Variants in TMPRSS5 observed in about 807,000 individuals in gnomAD.
TMPRSS5 encodes transmembrane protease serine 5.
A neutral mutation model predicts 59.7 loss-of-function variants in TMPRSS5; 45 were observed. The ratio of observed to expected loss-of-function variants is 0.75; its 90% CI spans 0.59 to 0.97. The LOEUF (loss-of-function observed/expected upper bound fraction) is 0.97. Ranked by LOEUF, TMPRSS5 falls within the 50% of genes least tolerant of loss-of-function variation. TMPRSS5 has a pLI of 0.00. For synonymous variants in TMPRSS5, 225 were observed against 232.0 expected (o/e 0.97, Z 0.27); for missense variants, 585 against 596.7 (o/e 0.98, Z 0.20).
chr11:113,690,180 T>TC, intron 11 of TMPRSS5, 51 bp downstream of exon 11: 1 of 187,978 alleles, frequency 5.3e-6, no homozygotes, highest in Non-Finnish European at 8.9e-6. Flanking sequence ...CCCCCTGCCC[T>TC]CCCACCCCCA....
In TMPRSS5 at chr11:113,690,370, T is replaced by C; in HGVS notation, c.1067A>G (p.Tyr356Cys). The change falls in exon 11 of 13, where the codon TAC becomes TGC. Residue 356 changes from tyrosine (Y) to cysteine (C), a missense_variant. Tyr to Cys is a radical substitution (Grantham distance 194). Coordinates refer to ENST00000299882, the MANE Select transcript of TMPRSS5 (RefSeq NM_030770.4). ...GWGHTHPSHT[Y>C]SSDMLQDTVV... ...CGTGTCCTGGAGCATATCCGAGCTG[T>C]AAGCTATGAGAGACACCGAGAAAAA... The C allele has an allele frequency of 6.2e-7, 1 of 1,603,896 alleles. No individual in the cohort carries two copies.
chr11:113,703,463 T>C (rs1953197999), intron 1 of TMPRSS5, among the ~76,000 whole-genome samples: 1 of 152,204 alleles, frequency 6.6e-6, no homozygotes, highest in Non-Finnish European at 1.5e-5. Context: ...GACTTTGGAC[T>C]TGGACTTTTG....
At position 113,689,809 on chromosome 11, in the gene TMPRSS5, C is replaced by T. The variant is rs377155390; in HGVS notation, c.1315G>A (p.Ala439Thr). The change falls in exon 12 of 13, where the codon GCC becomes ACC. Residue 439 changes from alanine to threonine, a missense_variant. Ala to Thr is a moderately conservative substitution (Grantham distance 58). Transcript: ENST00000299882. The stretch of plus-strand genomic sequence containing the variant: ...CAGTCCAGAAACTCAGCTACCTTGG[C>T]GTAGACACCTGGGTGATTGGGCTCT... ...CAEPNHPGVYAKVAEFLDWIH... is the reference protein window; with the variant it reads ...CAEPNHPGVYTKVAEFLDWIH... 9 of 1,607,444 alleles carry T rather than the reference C, an allele frequency of 5.6e-6. No individual in the cohort carries two copies. The highest frequency in any genetic ancestry group is 5.3e-5 in the African/African-American group (4 of 74,778).
chr11:113,698,745 T>C, intron 4 of TMPRSS5, 160 bp downstream of exon 4: 1 of 811,210 alleles, frequency 1.2e-6, no homozygotes, highest in East Asian at 2.7e-5. Flanking sequence ...AAATCAGAGA[T>C]CACTGCAAGG....
In TMPRSS5 at chr11:113,699,910, G is replaced by A. The variant is rs187815396; in HGVS notation, c.106+156C>T. On this transcript the variant is annotated intron_variant, in intron 2 of 12. Transcript: ENST00000299882. ...AAATCCCACTCAATCCCTAAAGTGG[G>A]AAATGGGGAGCAGAAGCAGGTCTGG... 2.1e-4 allele frequency: 312 copies of A among 1,512,674 alleles called. No individual in the cohort carries two copies. The African/African-American group carries it at 4.0e-3, about 19-fold the overall frequency. 93.7% of individuals were successfully genotyped at this position (1,512,674 alleles called of 1,614,324 possible).
rs528227924 is a variant in TMPRSS5, at chr11:113,690,262, C to G, written c.1175G>C (p.Gly392Ala). 1 of 1,554,904 alleles carries G rather than the reference C, an allele frequency of 6.4e-7. No homozygotes were observed. The highest frequency in any genetic ancestry group is 1.2e-5 in the South Asian group (1 of 84,142). ...TGCATCAGCCCTTCCGTCCAGGTAG[C>G]CAGCGCAAAGCATGCGGGGGGTGAG... The part of the protein sequence containing the change: ...GALTPRMLCA[G>A]YLDGRADACQ... Residue 392 changes from glycine (G) to alanine (A), a missense_variant, in exon 11 of 13, where the codon GGC becomes GCC. Physicochemically the swap from Gly to Ala is moderately conservative, Grantham distance 60 (BLOSUM62 0). Coordinates refer to ENST00000299882, the MANE Select transcript of TMPRSS5 (RefSeq NM_030770.4).
intron 1 of TMPRSS5, among the ~76,000 whole-genome samples, chr11:113,701,865 C>T (rs1383760006): frequency 2.0e-4 from 31 of 151,864 alleles, no homozygotes; most frequent in Admixed American, 6.6e-5. Flanking sequence ...ATACATGTGC[C>T]GTGGTGGTTT....
Position 113,698,996 on chromosome 11 carries a change from G to A in TMPRSS5, c.237C>T (p.Pro79=), listed in dbSNP as rs1381017662. The change falls in exon 4 of 13, where the codon CCC becomes CCT. Residue 79 remains proline (P), a synonymous_variant. Coordinates refer to ENST00000299882, the MANE Select transcript of TMPRSS5 (RefSeq NM_030770.4). The part of the protein sequence containing the change: ...VLYLCPAASQ[P]ISGTLQDEEI... The stretch of plus-strand genomic sequence containing the variant: ...CCTCATCCTGCAAGGTCCCGGAAAT[G>A]GGCTGAGAGGCAGCAGGACACAGAT... 1.2e-6 allele frequency: 2 copies of A among 1,610,918 alleles called. No homozygotes were observed. The highest frequency in any genetic ancestry group is 1.7e-6 in the Non-Finnish European group (2 of 1,178,688).
intron 8 of TMPRSS5, chr11:113,693,669 G>A (rs553398104): frequency 1.7e-4 from 27 of 160,402 alleles, no homozygotes; most frequent in Non-Finnish European, 3.1e-4. Context: ...TACACTCTCT[G>A]CCCTGTCCGG....
chr11:113,694,737 G>A, intron 7 of TMPRSS5, 97 bp from the exon 8 acceptor site: 6 of 1,235,616 alleles, frequency 4.9e-6, no homozygotes, highest in Non-Finnish European at 6.6e-6. Context: ...AAGCCCCAGA[G>A]AGCCAGTGTG....
rs1277724671 is a variant in TMPRSS5, at chr11:113,690,618, G to C, written c.1063+223C>G. Among the ~76,000 whole-genome samples the C allele has an allele frequency of 2.6e-5, 4 of 152,168 alleles. No individual in the cohort carries two copies. The South Asian group carries it at 8.3e-4, about 32-fold the overall frequency. ...CCATGGCGCTCCTGGGACAAGGGGA[G>C]GGGGAGTAAAAGGGTCTGGGTTTAG... On this transcript the variant is annotated intron_variant, in intron 10 of 12. Transcript: ENST00000299882.
At chr11:113,689,204 A>C (rs1373526001) in intron 12 of TMPRSS5, among the ~76,000 whole-genome samples, 1 of 151,888 alleles carries the variant, frequency 6.6e-6, no homozygotes, top group Non-Finnish European at 1.5e-5. Flanking sequence ...TAAATACAAA[A>C]AATTAGCCAG....
Position 113,690,739 on chromosome 11 carries a change from G to C in TMPRSS5, c.1063+102C>G, listed in dbSNP as rs1952752734. 6.1e-5 allele frequency: 68 copies of C among 1,106,810 alleles called. 1 individual carries two copies. In the South Asian group the frequency reaches 9.3e-4, roughly 15 times the overall value. 68.6% of individuals were successfully genotyped at this position (1,106,810 alleles called of 1,614,324 possible). A position where few individuals can be genotyped will look rare whatever the true frequency, so the allele number is the denominator to read the frequency against. Reference sequence around the variant, plus strand: ...AAGGGTGATGCCAGGGAAAAACAGGGCTGGCACTGTCATGTGGCCAGGGGA... The same window carrying C: ...AAGGGTGATGCCAGGGAAAAACAGGCCTGGCACTGTCATGTGGCCAGGGGA... On this transcript the variant is annotated intron_variant, in intron 10 of 12. Coordinates refer to ENST00000299882, the MANE Select transcript of TMPRSS5 (RefSeq NM_030770.4).
chr11:113,692,853 G>T (rs560118608), intron 9 of TMPRSS5, among the ~76,000 whole-genome samples: 37 of 152,248 alleles, frequency 2.4e-4, no homozygotes, highest in Admixed American at 2.2e-3. Context: ...GCCATGAAAT[G>T]GGTCTGAACC....
In TMPRSS5 at chr11:113,705,010, C is replaced by T. The variant is rs528259299; in HGVS notation, c.3+1212G>A. Among the ~76,000 whole-genome samples the T allele has an allele frequency of 5.3e-5, 8 of 152,208 alleles. No individual in the cohort carries two copies. In the South Asian group the frequency reaches 1.7e-3, roughly 32 times the overall value. ...TAAGAACTACACCTAAGCTGTGGAT[C>T]CTTCCCCCCAAAATTTATAATCCAG... On this transcript the variant is annotated intron_variant, in intron 1 of 12. Transcript: ENST00000299882.
intron 12 of TMPRSS5, 74 bp from the exon 13 acceptor site, chr11:113,688,348 C>A (rs1057459142): frequency 1.4e-5 from 15 of 1,049,068 alleles, no homozygotes; most frequent in Admixed American, 4.1e-5. Flanking sequence ...TTTAGTAAAT[C>A]ACTTAACCAT....
intron 3 of TMPRSS5, among the ~76,000 whole-genome samples, chr11:113,699,262 T>TCTCTCTCCCC: frequency 1.1e-5 from 1 of 93,258 alleles, no homozygotes; most frequent in South Asian, 3.6e-4. Flanking sequence ...TCTCTCTCTC[T>TCTCTCTCCCC]CTCTCTCTCC....
chr11:113,690,855 G>T lies in TMPRSS5; in HGVS notation c.1049C>A (p.Thr350Asn). ...AGCTGACTCACTATGGCTAGGGTGG[G>T]TGTGGCCCCAGCCAGACACCCAGCA... The part of the protein sequence containing the change: ...SRCWVSGWGH[T>N]HPSHTYSSDM... Residue 350 changes from threonine to asparagine, a missense_variant, in exon 10 of 13, where the codon ACC (threonine) becomes AAC (asparagine). By Grantham distance (65) the Thr-to-Asn change is moderately conservative. Transcript: ENST00000299882. The T allele has an allele frequency of 6.3e-7, 1 of 1,589,674 alleles. No individual in the cohort carries two copies. Among genetic ancestry groups the T allele is most frequent in the South Asian group, 1.1e-5 (1 of 87,116 alleles).
At chr11:113,695,501 A>C in intron 6 of TMPRSS5, 58 bp from the exon 7 acceptor site, 8 of 1,563,282 alleles carry the variant, frequency 5.1e-6, no homozygotes, top group Non-Finnish European at 6.2e-6. Flanking sequence ...AGCCACACAC[A>C]TCCAAGGACG....
Sources: allele counts gnomAD v4.1 joint callset (sites outside exome capture counted in the v4.1 genomes callset), GRCh38; gene constraint gnomAD v4.1.1; transcripts MANE v1.5; gene names NCBI Gene and HGNC (gene_info 2026-07-23, HGNC 2026-07-21).